NDUFAF6: variants seen among roughly 807,000 people sequenced by gnomAD.
NDUFAF6 encodes the protein NADH dehydrogenase (ubiquinone) complex I, assembly factor 6.
A neutral mutation model predicts 40.8 loss-of-function variants in NDUFAF6; 45 were observed. The ratio of observed to expected loss-of-function variants is 1.10; its 90% CI spans 0.87 to 1.42. The LOEUF is 1.42. Ranked by LOEUF, NDUFAF6 falls within the 40% of genes most tolerant of loss-of-function variation. The pLI is 0.00. For synonymous variants in NDUFAF6, 185 were observed against 155.9 expected (o/e 1.19, Z -1.39); for missense variants, 435 against 418.5 (o/e 1.04, Z -0.34).
chr8:94,991,265 A>G (rs1056816924), intron 2 of NDUFAF6, among the ~76,000 whole-genome samples: 1 of 152,240 alleles, frequency 6.6e-6, no homozygotes, highest in African/African-American at 2.4e-5. Context: ...TTTGATAAAC[A>G]TCTTAAAATA....
intron 3 of NDUFAF6, among the ~76,000 whole-genome samples, chr8:95,037,547 G>A (rs1829645355): frequency 6.6e-6 from 1 of 152,210 alleles, no homozygotes; most frequent in African/African-American, 2.4e-5. Flanking sequence ...TATGGGGAGA[G>A]TCCTGCCATG....
chr8:94,988,142 C>G lies in NDUFAF6; in HGVS notation c.-84+7169C>G, dbSNP rs573367648. On this transcript the variant is annotated intron_variant, in intron 2 of 9. Coordinates refer to the NDUFAF6 transcript ENST00000396111. ...AAACTTTACTGATATCTTTGAATCC[C>G]ATGTGTGTCCTTCCCTGAATGCATT... 3.9e-5 allele frequency among the ~76,000 whole-genome samples: 6 copies of G among 152,306 alleles called. No individual in the cohort carries two copies. In the South Asian group the frequency reaches 1.0e-3, roughly 26 times the overall value.
At chr8:95,066,286 GCTTTT>G (rs1832700913) in intron 9 of NDUFAF6, among the ~76,000 whole-genome samples, 1 of 106,152 alleles carries the variant, frequency 9.4e-6, no homozygotes, top group Non-Finnish European at 1.8e-5. Context: ...TTGCTTGCTT[GCTTTT>G]TTTTTTTTTT....
chr8:95,013,386 G>A (rs140703618), intron 2 of NDUFAF6, among the ~76,000 whole-genome samples: 1 of 152,206 alleles, frequency 6.6e-6, no homozygotes, highest in Non-Finnish European at 1.5e-5. Context: ...GATTGCAGGT[G>A]TGAGCTACTG....
chr8:94,960,639 C>T (rs1313368979), intron 1 of NDUFAF6, among the ~76,000 whole-genome samples: 3 of 152,206 alleles, frequency 2.0e-5, no homozygotes, highest in Non-Finnish European at 4.4e-5. Context: ...TTCTTACCAA[C>T]CTTTCTGCTA....
chr8:95,113,397 G>A (rs1382857287), intron 4 of NDUFAF6, among the ~76,000 whole-genome samples: 1 of 152,178 alleles, frequency 6.6e-6, no homozygotes, highest in East Asian at 1.9e-4. Context: ...TCTCATGGAG[G>A]AATGATCAAC....
intron 1 of NDUFAF6, among the ~76,000 whole-genome samples, chr8:94,903,043 T>C (rs1327578306): frequency 6.6e-6 from 1 of 152,016 alleles, no homozygotes; most frequent in African/African-American, 2.4e-5. Flanking sequence ...AGTGGAATTG[T>C]GAGGTCACAG....
At chr8:94,950,729 C>A (rs1822528767) in intron 2 of NDUFAF6, 1 of 152,156 alleles carries the variant, frequency 6.6e-6, no homozygotes, top group African/African-American at 2.4e-5. Flanking sequence ...TTTTCTCCCA[C>A]ATGCTATGGT....
intron 1 of NDUFAF6, among the ~76,000 whole-genome samples, chr8:94,974,063 A>G (rs1477573552): frequency 6.6e-6 from 1 of 152,080 alleles, no homozygotes; most frequent in African/African-American, 2.4e-5. Flanking sequence ...CCAGAAAGCC[A>G]CTCAGCCAGT....
chr8:94,954,592 G>A (rs932680139), upstream of NDUFAF6, among the ~76,000 whole-genome samples: 1 of 152,144 alleles, frequency 6.6e-6, no homozygotes, highest in African/African-American at 2.4e-5. Flanking sequence ...TGAGGAGGTG[G>A]CATTTGAGCA....
At chr8:95,053,952 T>TTTTTGG (rs1554681590) in intron 8 of NDUFAF6, among the ~76,000 whole-genome samples, 1 of 136,910 alleles carries the variant, frequency 7.3e-6, no homozygotes, top group African/African-American at 3.0e-5. Flanking sequence ...TTTTTTTTTT[T>TTTTTGG]GAGACAAAAT....
chr8:95,115,623 C>T (rs1193713970), exon 5 of NDUFAF6: 2 of 151,986 alleles, frequency 1.3e-5, no homozygotes, highest in Non-Finnish European at 2.9e-5. Context: ...TCCATTCAAA[C>T]GACTGCATCA....
At chr8:95,019,709 G>T (rs1365560788) in intron 2 of NDUFAF6, among the ~76,000 whole-genome samples, 1 of 152,174 alleles carries the variant, frequency 6.6e-6, no homozygotes, top group Non-Finnish European at 1.5e-5. Context: ...GTTTCTGAGA[G>T]AACAGTGTGT....
intron 1 of NDUFAF6, among the ~76,000 whole-genome samples, chr8:94,965,148 C>A (rs1481511924): frequency 5.3e-5 from 8 of 152,150 alleles, no homozygotes; most frequent in African/African-American, 1.9e-4. Context: ...AGAACAGATC[C>A]TTTTAGAATG....
At chr8:95,032,363 C>T (rs1466047291) in intron 2 of NDUFAF6, among the ~76,000 whole-genome samples, 14 of 152,190 alleles carry the variant, frequency 9.2e-5, no homozygotes, top group Non-Finnish European at 5.9e-5. Flanking sequence ...ATTAACATTG[C>T]ACATTTGTCT....
chr8:94,992,218 T>C (rs1417379195), intron 2 of NDUFAF6, among the ~76,000 whole-genome samples: 1 of 152,182 alleles, frequency 6.6e-6, no homozygotes, highest in Non-Finnish European at 1.5e-5. Flanking sequence ...CTGGGCACGG[T>C]GGCTCACACC....
intron 1 of NDUFAF6, among the ~76,000 whole-genome samples, chr8:94,904,357 T>A (rs1430983640): frequency 1.5e-4 from 17 of 116,248 alleles, no homozygotes; most frequent in South Asian, 2.8e-4. Context: ...TTTTTTTTTT[T>A]AGTAAAGACA....
At chr8:95,020,170 G>A (rs1827631623), upstream of NDUFAF6, among the ~76,000 whole-genome samples, 1 of 152,210 alleles carries the variant, frequency 6.6e-6, no homozygotes, top group Non-Finnish European at 1.5e-5. Context: ...TTGCACTCCA[G>A]CCTGGGCGAC....
At chr8:95,104,998 G>T (rs1416362959), downstream of NDUFAF6, among the ~76,000 whole-genome samples, 1 of 151,030 alleles carries the variant, frequency 6.6e-6, no homozygotes, top group African/African-American at 2.4e-5. Context: ...TCAAATTTTT[G>T]AGTGTAACAG....
Sources: gnomAD v4.1 joint callset for allele counts (sites outside exome capture counted in the v4.1 genomes callset) on GRCh38, gnomAD v4.1.1 for gene constraint, MANE v1.5 for transcripts, NCBI Gene and HGNC (gene_info 2026-07-23, HGNC 2026-07-21) for gene names.